JARID2: variants seen among roughly 807,000 people sequenced by gnomAD.
JARID2 encodes protein Jumonji.
Under a neutral mutation model 125.6 loss-of-function variants are expected in JARID2, and 21 were observed. The observed-to-expected ratio is 0.17, with a 90% CI of 0.12 to 0.24. The LOEUF is 0.24. JARID2 is among the 10% of genes least tolerant of loss of function. The pLI, the probability that JARID2 is intolerant of heterozygous loss-of-function variation, is 1.00. For missense variants in JARID2, 1,303 were observed against 1,639.6 expected (o/e 0.79, Z 3.55); for synonymous variants, 736 against 661.6 (o/e 1.11, Z -1.73).
chr6:15,521,532 A>ACAT lies in JARID2; in HGVS notation c.*1284_*1286dup, dbSNP rs1449937939. ...CTTGTAACATTTATAAGTGCTGCTTACATCACTGAACAACAACAAAAAAAT... is the reference window on the plus strand; with the variant it reads ...CTTGTAACATTTATAAGTGCTGCTTACATCATCACTGAACAACAACAAAAAAAT... On this transcript the variant is annotated 3_prime_UTR_variant, in exon 18 of 18. Coordinates refer to ENST00000341776, the MANE Select transcript of JARID2 (RefSeq NM_004973.4). The ACAT allele has an allele frequency of 6.6e-6, 1 of 152,230 alleles. No homozygotes were observed. Among genetic ancestry groups the ACAT allele is most frequent in the African/African-American group, 2.4e-5 (1 of 41,450 alleles). 9.4% of individuals were successfully genotyped at this position (152,230 alleles called of 1,614,324 possible).
intron 1 of JARID2, among the ~76,000 whole-genome samples, chr6:15,269,433 A>G (rs893367933): frequency 6.6e-6 from 1 of 152,032 alleles, no homozygotes; most frequent in Non-Finnish European, 1.5e-5. Context: ...ATCACAGCTT[A>G]TTACTGCATC....
chr6:15,299,778 G>T (rs1284487692), intron 1 of JARID2, among the ~76,000 whole-genome samples: 4 of 152,172 alleles, frequency 2.6e-5, no homozygotes, highest in Non-Finnish European at 4.4e-5. Flanking sequence ...CACTTCAGCG[G>T]GGTGGGCTTG....
rs564765494 is a variant in JARID2, at chr6:15,347,153, A to G, written c.46-26964A>G. 3.3e-5 allele frequency among the ~76,000 whole-genome samples: 5 copies of G among 152,342 alleles called. No homozygotes were observed. In the Middle Eastern group the frequency reaches 0.01, roughly 311 times the overall value. Reference sequence around the variant, plus strand: ...ATGAGAACACATGTGAAGTAACTAAATATTCAGCAGCTACTATATATTTAA... The same window carrying G: ...ATGAGAACACATGTGAAGTAACTAAGTATTCAGCAGCTACTATATATTTAA... On this transcript the variant is annotated intron_variant, in intron 1 of 17. Transcript: ENST00000341776.
intron 1 of JARID2, among the ~76,000 whole-genome samples, chr6:15,286,628 AGACG>A (rs1761011549): frequency 6.6e-6 from 1 of 151,838 alleles, no homozygotes; most frequent in Admixed American, 6.6e-5. Context: ...TGGGAGGCCG[AGACG>A]GGCGGATCAC....
chr6:15,506,230 C>T (rs1770998813), intron 9 of JARID2, among the ~76,000 whole-genome samples: 1 of 152,224 alleles, frequency 6.6e-6, no homozygotes, highest in African/African-American at 2.4e-5. Context: ...GCTTCCCTTC[C>T]CATGTCTTTA....
At chr6:15,319,930 C>T (rs949293901) in intron 1 of JARID2, among the ~76,000 whole-genome samples, 14 of 152,186 alleles carry the variant, frequency 9.2e-5, no homozygotes, top group Admixed American at 2.6e-4. Flanking sequence ...AGTTCAGCCC[C>T]TTGACTCTTT....
intron 1 of JARID2, among the ~76,000 whole-genome samples, chr6:15,371,478 T>C (rs1764170543): frequency 6.6e-6 from 1 of 152,236 alleles, no homozygotes; most frequent in Non-Finnish European, 1.5e-5. Context: ...CTGAGGCTGC[T>C]GAAGAGGTGG....
intron 3 of JARID2, among the ~76,000 whole-genome samples, chr6:15,444,678 G>A (rs537278978): frequency 1.3e-5 from 2 of 150,408 alleles, no homozygotes; most frequent in East Asian, 1.9e-4. Context: ...CTCCCACACC[G>A]GCACAAAGAG....
At chr6:15,310,664 T>C (rs1761980861) in intron 1 of JARID2, among the ~76,000 whole-genome samples, 1 of 152,188 alleles carries the variant, frequency 6.6e-6, no homozygotes, top group African/African-American at 2.4e-5. Context: ...AGAGATGGGA[T>C]GGGCCTAAGT....
chr6:15,305,956 A>G (rs1282942950), intron 1 of JARID2, among the ~76,000 whole-genome samples: 1 of 152,212 alleles, frequency 6.6e-6, no homozygotes, highest in African/African-American at 2.4e-5. Context: ...GTTTTCTACT[A>G]TTCATCTGTG....
intron 1 of JARID2, among the ~76,000 whole-genome samples, chr6:15,317,264 C>T (rs1037915972): frequency 6.6e-6 from 1 of 152,132 alleles, no homozygotes; most frequent in Non-Finnish European, 1.5e-5. Context: ...TGAAACACAA[C>T]AGACAATATT....
At chr6:15,293,560 A>G (rs1014111823) in intron 1 of JARID2, among the ~76,000 whole-genome samples, 5 of 152,224 alleles carry the variant, frequency 3.3e-5, no homozygotes, top group Non-Finnish European at 7.3e-5. Flanking sequence ...GAGTTCTTAG[A>G]ATTTTTCAGA....
chr6:15,507,002 C>T, intron 9 of JARID2, 134 bp from the exon 10 acceptor site: 2 of 652,666 alleles, frequency 3.1e-6, no homozygotes, highest in Non-Finnish European at 2.8e-6. Context: ...CTGCTGGAGA[C>T]ACTCTGCAAA....
chr6:15,452,902 G>A lies in JARID2; in HGVS notation c.493+727G>A, dbSNP rs7748228. Among the ~76,000 whole-genome samples, 976 of 152,276 alleles carry A rather than the reference G, an allele frequency of 6.4e-3. 13 individuals carry two copies. Among genetic ancestry groups the A allele is most frequent in the African/African-American group, 0.022 (913 of 41,548 alleles). ...AGTCCTGAATGCAGAGAGTTCCTTG[G>A]GTGAGGTTATTTGAGAGAAAATGAG... is the stretch of plus-strand genomic sequence containing the variant. On this transcript the variant is annotated intron_variant, in intron 4 of 17. Coordinates refer to ENST00000341776, the MANE Select transcript of JARID2 (RefSeq NM_004973.4).
intron 3 of JARID2, among the ~76,000 whole-genome samples, chr6:15,445,750 C>T (rs931223648): frequency 2.0e-5 from 3 of 152,202 alleles, no homozygotes; most frequent in Admixed American, 6.5e-5. Flanking sequence ...CCTTGTGCCA[C>T]AGGGTGACTG....
chr6:15,421,411 T>TA (rs561366543), intron 3 of JARID2, among the ~76,000 whole-genome samples: 2,045 of 139,206 alleles, frequency 0.015, 19 homozygotes, highest in Middle Eastern at 0.033. Context: ...TGTTAGTCTT[T>TA]AAAAAAAAAA....
intron 5 of JARID2, among the ~76,000 whole-genome samples, chr6:15,471,175 T>C (rs1467575931): frequency 6.6e-6 from 1 of 152,208 alleles, no homozygotes; most frequent in Admixed American, 6.5e-5. Flanking sequence ...GGTTGATTTG[T>C]GGAAAGGTAA....
At chr6:15,416,159 C>T (rs1248797027) in intron 3 of JARID2, among the ~76,000 whole-genome samples, 1 of 151,542 alleles carries the variant, frequency 6.6e-6, no homozygotes, top group African/African-American at 2.4e-5. Context: ...TCCTCACTTC[C>T]TAGATGGGAT....
intron 3 of JARID2, among the ~76,000 whole-genome samples, chr6:15,442,179 G>A (rs573280722): frequency 6.6e-6 from 1 of 151,056 alleles, no homozygotes; most frequent in Non-Finnish European, 1.5e-5. Context: ...TTCCAAACAT[G>A]CCCATTGCCA....
Sources: allele counts gnomAD v4.1 joint callset (sites outside exome capture counted in the v4.1 genomes callset), GRCh38; gene constraint gnomAD v4.1.1; transcripts MANE v1.5; gene names NCBI Gene and HGNC (gene_info 2026-07-23, HGNC 2026-07-21).